Variants in BMPR1B observed in about 807,000 individuals in gnomAD.
BMPR1B encodes the protein bone morphogenetic protein receptor type 1B, also known as bone morphogenetic protein receptor type-1B.
Under a neutral mutation model 59.1 loss-of-function variants are expected in BMPR1B, and 12 were observed. That is an observed-to-expected ratio of 0.20 (90% CI 0.13 to 0.33). The LOEUF is 0.33. BMPR1B is among the 10% of genes least tolerant of loss of function. The pLI, the probability that BMPR1B is intolerant of heterozygous loss-of-function variation, is 1.00. For missense variants in BMPR1B, 550 were observed against 610.9 expected, an observed-to-expected ratio of 0.90 and a Z score of 1.05; for synonymous variants, 237 against 207.3, an observed-to-expected ratio of 1.14 and a Z score of -1.23.
intron 1 of BMPR1B, among the ~76,000 whole-genome samples, chr4:94,767,351 T>C (rs1378512967): frequency 1.3e-5 from 2 of 152,186 alleles, no homozygotes; most frequent in African/African-American, 4.8e-5. Flanking sequence ...TATCTTGTCT[T>C]ATAATTTTGA....
intron 3 of BMPR1B, among the ~76,000 whole-genome samples, chr4:95,100,625 A>G (rs1245083169): frequency 6.6e-6 from 1 of 151,888 alleles, no homozygotes; most frequent in Non-Finnish European, 1.5e-5. Flanking sequence ...TTATTTGATG[A>G]TTTTCTTTCC....
At chr4:94,808,893 A>G (rs1723711348) in intron 1 of BMPR1B, among the ~76,000 whole-genome samples, 1 of 152,036 alleles carries the variant, frequency 6.6e-6, no homozygotes, top group Non-Finnish European at 1.5e-5. Flanking sequence ...CATCTCTACT[A>G]AAAATACAAA....
chr4:94,952,036 T>G (rs1729960464), intron 2 of BMPR1B, among the ~76,000 whole-genome samples: 1 of 152,212 alleles, frequency 6.6e-6, no homozygotes, highest in Admixed American at 6.5e-5. Flanking sequence ...TGTTCTAGTT[T>G]ATTTGCATAG....
At chr4:95,141,984 C>T (rs1056943196) in intron 10 of BMPR1B, among the ~76,000 whole-genome samples, 12 of 152,234 alleles carry the variant, frequency 7.9e-5, no homozygotes, top group Non-Finnish European at 1.3e-4. Flanking sequence ...ATTGATTTGG[C>T]TAAATGACCC....
At chr4:95,137,006 G>A (rs1005176734) in intron 10 of BMPR1B, among the ~76,000 whole-genome samples, 1 of 152,124 alleles carries the variant, frequency 6.6e-6, no homozygotes, top group African/African-American at 2.4e-5. Context: ...TGATGTTAGG[G>A]TATCAGTTTT....
chr4:94,778,022 A>G (rs1049862632), intron 1 of BMPR1B, among the ~76,000 whole-genome samples: 13 of 151,850 alleles, frequency 8.6e-5, no homozygotes, highest in African/African-American at 2.4e-4. Flanking sequence ...GCAAAACTCC[A>G]TCTCAAAAAA....
chr4:94,835,821 C>T (rs11942643), intron 1 of BMPR1B, among the ~76,000 whole-genome samples: 18 of 151,474 alleles, frequency 1.2e-4, no homozygotes, highest in African/African-American at 4.4e-4. Flanking sequence ...AGGTTAGTTA[C>T]ATATGTATAC....
intron 1 of BMPR1B, among the ~76,000 whole-genome samples, chr4:94,812,313 G>GA (rs1008861067): frequency 3.9e-4 from 59 of 152,230 alleles, no homozygotes; most frequent in African/African-American, 1.2e-3. Flanking sequence ...ACTTGGCCTT[G>GA]AAAAAATCAA....
chr4:94,939,205 A>T (rs1560557367), intron 2 of BMPR1B, among the ~76,000 whole-genome samples: 3 of 152,116 alleles, frequency 2.0e-5, no homozygotes, highest in Non-Finnish European at 4.4e-5. Context: ...TTAAATTGAT[A>T]CATTCCTATG....
At chr4:94,883,373 A>G (rs1727054802) in intron 2 of BMPR1B, among the ~76,000 whole-genome samples, 1 of 152,172 alleles carries the variant, frequency 6.6e-6, no homozygotes, top group South Asian at 2.1e-4. Flanking sequence ...TGTTAACATT[A>G]TAGATGGCCT....
chr4:94,910,143 A>G (rs186232933), intron 2 of BMPR1B, among the ~76,000 whole-genome samples: 1 of 152,216 alleles, frequency 6.6e-6, no homozygotes, highest in East Asian at 1.9e-4. Flanking sequence ...CTTTGCTGAC[A>G]TCTTCACACT....
At chr4:95,063,583 C>T (rs1302720681) in intron 3 of BMPR1B, among the ~76,000 whole-genome samples, 1 of 151,952 alleles carries the variant, frequency 6.6e-6, no homozygotes, top group Non-Finnish European at 1.5e-5. Flanking sequence ...GCAGCTATAC[C>T]AAATAACATT....
chr4:95,081,330 CA>C (rs1290066345), intron 3 of BMPR1B, among the ~76,000 whole-genome samples: 3 of 152,092 alleles, frequency 2.0e-5, no homozygotes, highest in Non-Finnish European at 4.4e-5. Context: ...CTTCATTAAA[CA>C]AAATTTTTAC....
At position 94,789,546 on chromosome 4, in the gene BMPR1B, AAAAAT is replaced by A. The variant is rs983102620; in HGVS notation, c.-183+31479_-183+31483del. Among the ~76,000 whole-genome samples the A allele has an allele frequency of 3.0e-5, 3 of 100,402 alleles. No homozygotes were observed. In the Admixed American group the frequency reaches 3.5e-4, roughly 12 times the overall value. The allele number at this position is 100,402 out of a possible 152,430, so 65.9% of individuals were successfully genotyped here. ...TTATGACCCATTTGAACTTGAATAAAAAAATCACTTGAATTTACTTTTTGTCTAAC... is the reference window on the plus strand; with the variant it reads ...TTATGACCCATTTGAACTTGAATAAACACTTGAATTTACTTTTTGTCTAAC... On this transcript the variant is annotated intron_variant, in intron 1 of 12. Transcript: ENST00000515059.
intron 2 of BMPR1B, among the ~76,000 whole-genome samples, chr4:94,958,580 T>C (rs535138291): frequency 6.6e-6 from 1 of 152,300 alleles, no homozygotes; most frequent in East Asian, 1.9e-4. Flanking sequence ...CATGTTGGGT[T>C]AGGGACCACC....
At chr4:95,123,676 AT>A in intron 6 of BMPR1B, 133 bp from the exon 7 acceptor site, 1 of 707,042 alleles carries the variant, frequency 1.4e-6, no homozygotes, top group Non-Finnish European at 2.4e-6. Flanking sequence ...TTTTTAAAAA[AT>A]TAATTGGTAT....
rs1423505957 is a variant in BMPR1B at position 94,783,186 on chromosome 4, ATTG to A, written c.-183+25123_-183+25125del. ...CCACGAATTGCTGGCCGATTGTTCT[ATTG>A]TTGTGACAGTGCTCCAGTCATAACT... On this transcript the variant is annotated intron_variant, in intron 1 of 12. Transcript: ENST00000515059. Among the ~76,000 whole-genome samples, 15 of 152,196 alleles carry A rather than the reference ATTG, an allele frequency of 9.9e-5. No individual in the cohort carries two copies. The East Asian group carries it at 2.9e-3, about 29-fold the overall frequency.
intron 10 of BMPR1B, among the ~76,000 whole-genome samples, chr4:95,146,799 TGGAGTA>T (rs1393649405): frequency 1.3e-5 from 2 of 152,186 alleles, no homozygotes; most frequent in Non-Finnish European, 2.9e-5. Flanking sequence ...TGTCAGCAGG[TGGAGTA>T]GGAGGAGAGC....
chr4:95,099,763 T>C (rs1472188438), intron 3 of BMPR1B, among the ~76,000 whole-genome samples: 1 of 152,196 alleles, frequency 6.6e-6, no homozygotes, highest in East Asian at 1.9e-4. Context: ...TTCATCTGTA[T>C]CTCTAAATAA....
Sources: allele counts gnomAD v4.1 joint callset (sites outside exome capture counted in the v4.1 genomes callset), GRCh38; gene constraint gnomAD v4.1.1; transcripts MANE v1.5; gene names NCBI Gene and HGNC (gene_info 2026-07-23, HGNC 2026-07-21).